Variants in MAPK8 observed in about 807,000 individuals in gnomAD.
MAPK8 encodes mitogen-activated protein kinase 8, also known as JUN N-terminal kinase.
In MAPK8, 13 loss-of-function variants were observed where a neutral mutation model predicts 52.9. The ratio of observed to expected loss-of-function variants is 0.25; its 90% CI spans 0.16 to 0.39. The LOEUF (loss-of-function observed/expected upper bound fraction) is 0.39, where lower values mean the gene tolerates loss of function less well. MAPK8 is among the 10% of genes least tolerant of loss of function. The pLI is 1.00. For synonymous variants in MAPK8, 191 were observed against 169.8 expected, an observed-to-expected ratio of 1.12 and a Z score of -0.97; for missense variants, 300 against 519.2, an observed-to-expected ratio of 0.58 and a Z score of 4.10.
In MAPK8 at chr10:48,353,631, GA is replaced by G. The variant is rs531503529; in HGVS notation, c.-50+46819del. Reference sequence around the variant, plus strand: ...CTACAACCATAAAACTTAAAACATGGAAAAAAAAATCTCTGGGACATTTGTG... The same window carrying G: ...CTACAACCATAAAACTTAAAACATGGAAAAAAAATCTCTGGGACATTTGTG... On this transcript the variant is annotated intron_variant, in intron 1 of 11. Coordinates refer to ENST00000374189, the MANE Select transcript of MAPK8 (RefSeq NM_001323329.2). Among the ~76,000 whole-genome samples, 283 of 151,188 alleles carry G rather than the reference GA, an allele frequency of 1.9e-3. 2 individuals are homozygous for G. The highest frequency in any genetic ancestry group is 6.4e-3 in the African/African-American group (265 of 41,236).
chr10:48,348,120 A>G (rs1283232929), intron 1 of MAPK8, among the ~76,000 whole-genome samples: 5 of 152,000 alleles, frequency 3.3e-5, no homozygotes, highest in African/African-American at 1.2e-4. Flanking sequence ...TGTGGTTTTG[A>G]TTTGCATTTC....
intron 1 of MAPK8, among the ~76,000 whole-genome samples, chr10:48,388,255 A>G (rs1404694829): frequency 6.6e-6 from 1 of 152,198 alleles, no homozygotes; most frequent in Non-Finnish European, 1.5e-5. Flanking sequence ...TCTGTGAGAT[A>G]GCTTCTGAAA....
intron 1 of MAPK8, among the ~76,000 whole-genome samples, chr10:48,362,644 G>T (rs2132542679): frequency 6.6e-6 from 1 of 151,214 alleles, no homozygotes; most frequent in South Asian, 2.1e-4. Flanking sequence ...CAAGACCATA[G>T]TTTTATGAAC....
At chr10:48,317,406 T>TA (rs1326424911) in intron 1 of MAPK8, among the ~76,000 whole-genome samples, 1 of 151,982 alleles carries the variant, frequency 6.6e-6, no homozygotes, top group Admixed American at 6.6e-5. Context: ...CTCGTGATCT[T>TA]ACCACCTCCG....
chr10:48,319,466 C>T (rs1842787435), intron 1 of MAPK8, among the ~76,000 whole-genome samples: 1 of 152,068 alleles, frequency 6.6e-6, no homozygotes, highest in African/African-American at 2.4e-5. Flanking sequence ...ACTTTCTTCT[C>T]TATAGTTTTG....
At chr10:48,382,793 T>A (rs1444821863) in intron 1 of MAPK8, among the ~76,000 whole-genome samples, 1 of 147,200 alleles carries the variant, frequency 6.8e-6, no homozygotes, top group Non-Finnish European at 1.5e-5. Flanking sequence ...TTATATATAC[T>A]TATATATAAT....
At chr10:48,415,323 C>T (rs1477305705) in intron 5 of MAPK8, among the ~76,000 whole-genome samples, 1 of 152,060 alleles carries the variant, frequency 6.6e-6, no homozygotes. Context: ...GTAAAGCACA[C>T]CCCTCCAAAT....
intron 5 of MAPK8, among the ~76,000 whole-genome samples, chr10:48,417,185 G>T (rs1475785401): frequency 6.6e-6 from 1 of 152,186 alleles, no homozygotes; most frequent in Admixed American, 6.5e-5. Context: ...AGTGTAGAAG[G>T]ATCATAGACC....
chr10:48,426,290 T>A, intron 8 of MAPK8, 90 bp from the exon 9 acceptor site: 3 of 1,169,794 alleles, frequency 2.6e-6, no homozygotes, highest in Non-Finnish European at 3.6e-6. Context: ...TTAAAACATA[T>A]GCTTTTTAAA....
At chr10:48,432,982 A>G (rs1388760534) in intron 11 of MAPK8, among the ~76,000 whole-genome samples, 3 of 152,124 alleles carry the variant, frequency 2.0e-5, no homozygotes, top group Non-Finnish European at 4.4e-5. Context: ...TACCATTTCC[A>G]CTTGATTTTT....
chr10:48,352,816 G>A (rs1846465000), intron 1 of MAPK8, among the ~76,000 whole-genome samples: 1 of 152,168 alleles, frequency 6.6e-6, no homozygotes, highest in Non-Finnish European at 1.5e-5. Context: ...AAGGAGAAAT[G>A]AAACACCTTC....
At chr10:48,320,224 T>G (rs1383547130) in intron 1 of MAPK8, among the ~76,000 whole-genome samples, 1 of 123,466 alleles carries the variant, frequency 8.1e-6, no homozygotes, top group Non-Finnish European at 1.6e-5. Context: ...TTTTTTTTTT[T>G]TTTTTTTTTT....
At chr10:48,367,498 A>G (rs954186557) in intron 1 of MAPK8, among the ~76,000 whole-genome samples, 145 of 152,112 alleles carry the variant, frequency 9.5e-4, no homozygotes, top group African/African-American at 3.4e-3. Flanking sequence ...TAATGAAAGC[A>G]TTCTAAAAGT....
intron 1 of MAPK8, among the ~76,000 whole-genome samples, chr10:48,375,787 C>G (rs2040622441): frequency 6.6e-6 from 1 of 152,146 alleles, no homozygotes; most frequent in Non-Finnish European, 1.5e-5. Flanking sequence ...TAGGAAGAAT[C>G]AGTATCATGA....
At chr10:48,349,320 C>T (rs1846085439) in intron 1 of MAPK8, among the ~76,000 whole-genome samples, 1 of 152,168 alleles carries the variant, frequency 6.6e-6, no homozygotes, top group Non-Finnish European at 1.5e-5. Context: ...ACAGAATATA[C>T]ACTCTTCTCA....
At chr10:48,353,930 G>A (rs942947873) in intron 1 of MAPK8, among the ~76,000 whole-genome samples, 1 of 152,136 alleles carries the variant, frequency 6.6e-6, no homozygotes, top group Non-Finnish European at 1.5e-5. Flanking sequence ...TCTTTGTGGC[G>A]ATGGAACAGT....
At chr10:48,414,561 G>T (rs2133125517) in intron 5 of MAPK8, among the ~76,000 whole-genome samples, 2 of 135,286 alleles carry the variant, frequency 1.5e-5, no homozygotes, top group Non-Finnish European at 3.1e-5. Context: ...TCAATAGGTT[G>T]AAAAGAATTT....
chr10:48,409,362 C>T (rs946836296), intron 3 of MAPK8, among the ~76,000 whole-genome samples: 1 of 152,188 alleles, frequency 6.6e-6, no homozygotes, highest in Admixed American at 6.5e-5. Context: ...AAAATGAATT[C>T]AGTGTTACCT....
intron 1 of MAPK8, among the ~76,000 whole-genome samples, chr10:48,391,797 C>T (rs1382849425): frequency 1.3e-5 from 2 of 152,296 alleles, no homozygotes; most frequent in Non-Finnish European, 2.9e-5. Flanking sequence ...AGTTGAGGTT[C>T]CCATGCCCCT....
Sources: gnomAD v4.1 joint callset for allele counts (sites outside exome capture counted in the v4.1 genomes callset) on GRCh38, gnomAD v4.1.1 for gene constraint, MANE v1.5 for transcripts, NCBI Gene and HGNC (gene_info 2026-07-23, HGNC 2026-07-21) for gene names.